Variants in KCNN4 observed in about 807,000 individuals in gnomAD.
KCNN4 encodes intermediate conductance calcium-activated potassium channel protein 4.
KCNN4 carries 31 observed loss-of-function variants against 45.2 expected under a neutral mutation model. The observed-to-expected ratio is 0.69, with a 90% confidence interval of 0.52 to 0.92. The LOEUF (loss-of-function observed/expected upper bound fraction) is 0.92, where lower values mean the gene tolerates loss of function less well. KCNN4 is among the 40% of genes least tolerant of loss of function. The pLI, the probability that KCNN4 is intolerant of heterozygous loss-of-function variation, is 0.00. For missense variants in KCNN4, 463 were observed against 574.0 expected (o/e 0.81, Z 1.98); for synonymous variants, 231 against 254.6 (o/e 0.91, Z 0.88).
At chr19:43,767,736 C>T (rs1969523906) in intron 7 of KCNN4, 29 bp from the exon 8 acceptor site, 6 of 1,613,090 alleles carry the variant, frequency 3.7e-6, no homozygotes, top group South Asian at 2.2e-5. Context: ...TCAGAGGTGT[C>T]GGGGCTGGGG....
rs1969901677 is a variant in KCNN4, at chr19:43,779,227, A to G, written c.159+1476T>C. 3.3e-5 allele frequency among the ~76,000 whole-genome samples: 5 copies of G among 152,262 alleles called. 1 individual carries two copies. The South Asian group carries it at 1.0e-3, about 32-fold the overall frequency. On this transcript the variant is annotated intron_variant, in intron 1 of 8. Transcript: ENST00000648319. ...AAGCAGAGGGGTGAAGTGGGGTAGG[A>G]TGGACCCCGTCTCTTCCCATCTGCC... is the stretch of plus-strand genomic sequence containing the variant.
chr19:43,771,559 G>A (rs1383143572), intron 4 of KCNN4, among the ~76,000 whole-genome samples: 1 of 152,162 alleles, frequency 6.6e-6, no homozygotes, highest in Non-Finnish European at 1.5e-5. Context: ...GCTGGGAGAC[G>A]ATTTCCCAGT....
intron 3 of KCNN4, among the ~76,000 whole-genome samples, chr19:43,773,957 T>C (rs559308232): frequency 2.2e-4 from 33 of 152,092 alleles, no homozygotes; most frequent in African/African-American, 7.2e-4. Context: ...GTGTGTGCGT[T>C]TGGGGAGACT....
At position 43,769,866 on chromosome 19, in the gene KCNN4, C is replaced by CAGCAGA; in HGVS notation, c.820-38_820-37insTCTGCT. On this transcript the variant is annotated intron_variant, in intron 4 of 8. Coordinates refer to ENST00000648319, the MANE Select transcript of KCNN4 (RefSeq NM_002250.3). This position sits in a 1 kb window ranked among gnomAD's most constrained non-coding sequence, Gnocchi z 4.4. Reference sequence around the variant, plus strand: ...GCAGGCACCGTGGCATGAGGCTGTGCCACCGACTCCCTCCTTGAACCCGCC... The same window carrying CAGCAGA: ...GCAGGCACCGTGGCATGAGGCTGTGCAGCAGACACCGACTCCCTCCTTGAACCCGCC... 6.8e-7 allele frequency: 1 copy of CAGCAGA among 1,460,896 alleles called. No homozygotes were observed. Among genetic ancestry groups the CAGCAGA allele is most frequent in the Non-Finnish European group, 9.5e-7 (1 of 1,056,014 alleles). The allele number at this position is 1,460,896 out of a possible 1,614,324, so 90.5% of individuals were successfully genotyped here. A position where few individuals can be genotyped will look rare whatever the true frequency, so the allele number is the denominator to read the frequency against.
Position 43,767,659 on chromosome 19 carries a change from G to A in KCNN4, c.1168C>T (p.Arg390Trp), listed in dbSNP as rs200755307. The change falls in exon 8 of 9, where the codon CGG becomes TGG. Residue 390 changes from arginine to tryptophan, a missense_variant. Physicochemically the swap from Arg to Trp is moderately radical, Grantham distance 101. Coordinates refer to ENST00000648319, the MANE Select transcript of KCNN4 (RefSeq NM_002250.3). Reference sequence around the variant, plus strand: ...GTGTCAATCTGTTTCTCCAGGGCCCGGTGTGAGCTGCTCAGATTCTGCTGC... The same window carrying A: ...GTGTCAATCTGTTTCTCCAGGGCCCAGTGTGAGCTGCTCAGATTCTGCTGC... ...DLQQNLSSSHRALEKQIDTLA... is the reference protein window; with the variant it reads ...DLQQNLSSSHWALEKQIDTLA... 6 of 1,614,032 alleles carry A rather than the reference G, an allele frequency of 3.7e-6. No individual in the cohort carries two copies. The African/African-American group carries it at 5.3e-5, about 14-fold the overall frequency.
chr19:43,774,416 G>A lies in KCNN4; in HGVS notation c.459C>T (p.Ser153=), dbSNP rs1194584909. 7 of 1,597,138 alleles carry A rather than the reference G, an allele frequency of 4.4e-6. No individual in the cohort carries two copies. The highest frequency in any genetic ancestry group is 3.3e-4 in the Middle Eastern group (2 of 6,028). Residue 153 remains serine (S), a synonymous_variant, in exon 3 of 9, where the codon TCC becomes TCT. Transcript: ENST00000648319. The surrounding 1 kb of genome is among the most constrained non-coding windows in gnomAD (Gnocchi z 5.6). ...GGTAGAGACGCAGCAGCATGGCCAGGGACAGCAGCGCTTCCCCTTGGCCCA... is the reference window on the plus strand; with the variant it reads ...GGTAGAGACGCAGCAGCATGGCCAGAGACAGCAGCGCTTCCCCTTGGCCCA... ...GFLGQGEALL[S]LAMLLRLYLV... is the part of the protein sequence containing the mutation.
rs545846565 is a variant in KCNN4 at position 43,769,332 on chromosome 19, C to T, written c.1049+110G>A. On this transcript the variant is annotated intron_variant, in intron 6 of 8. Transcript: ENST00000648319. This position sits in a 1 kb window ranked among gnomAD's most constrained non-coding sequence, Gnocchi z 4.4. Reference sequence around the variant, plus strand: ...GACCTGGATGTTGAGTGAGACCACACCTGGGTGTCCTGACCTGGACAGGCA... The same window carrying T: ...GACCTGGATGTTGAGTGAGACCACATCTGGGTGTCCTGACCTGGACAGGCA... The T allele has an allele frequency of 3.6e-5, 31 of 854,284 alleles. No homozygotes were observed. In the African/African-American group the frequency reaches 4.6e-4, roughly 13 times the overall value. 52.9% of individuals were successfully genotyped at this position (854,284 alleles called of 1,614,324 possible).
At chr19:43,778,557 C>A (rs777198851) in intron 1 of KCNN4, among the ~76,000 whole-genome samples, 1 of 152,168 alleles carries the variant, frequency 6.6e-6, no homozygotes, top group African/African-American at 2.4e-5. Flanking sequence ...TCTTTTCTAA[C>A]GCTGTGTGTG....
In KCNN4 at chr19:43,771,931, A is replaced by G. The variant is rs983089203; in HGVS notation, c.819+69T>C. ...GAGCCTGTGTTGAACCCATTTAATC[A>G]TGGCTTCCTGGGGCCAGAGGATGAC... On this transcript the variant is annotated intron_variant, in intron 4 of 8. Transcript: ENST00000648319. The G allele has an allele frequency of 9.9e-6, 15 of 1,508,084 alleles. No individual in the cohort carries two copies. The Admixed American group carries it at 3.4e-4, about 35-fold the overall frequency. The allele number at this position is 1,508,084 out of a possible 1,614,324, so 93.4% of individuals were successfully genotyped here.
At position 43,768,251 on chromosome 19, in the gene KCNN4, T is replaced by C. The variant is rs574853197; in HGVS notation, c.1120-544A>G. Among the ~76,000 whole-genome samples the C allele has an allele frequency of 5.3e-5, 8 of 152,304 alleles. 1 individual carries two copies. In the South Asian group the frequency reaches 1.7e-3, roughly 32 times the overall value. The stretch of plus-strand genomic sequence containing the variant: ...CTCGTCACTGAGACCTGCCATGCGG[T>C]TTTGGGGCCTGCATCTGTGACCGTG... On this transcript the variant is annotated intron_variant, in intron 7 of 8. Coordinates refer to ENST00000648319, the MANE Select transcript of KCNN4 (RefSeq NM_002250.3).
In KCNN4 at chr19:43,774,654, AGCAGGTCAGGC is replaced by A. The variant is rs529556816; in HGVS notation, c.256-46_256-36del. ...GGGGGCCAAGAAGGGAGGGGTCAGG[AGCAGGTCAGGC>A]GCAGGTCAGGCGGCGGCCCGCGCCT... On this transcript the variant is annotated intron_variant, in intron 2 of 8. Coordinates refer to ENST00000648319, the MANE Select transcript of KCNN4 (RefSeq NM_002250.3). The surrounding 1 kb of genome is among the most constrained non-coding windows in gnomAD (Gnocchi z 5.6). The A allele has an allele frequency of 3.4e-6, 5 of 1,470,772 alleles. No individual in the cohort carries two copies. Among genetic ancestry groups the A allele is most frequent in the South Asian group, 2.8e-5 (2 of 72,018 alleles). The allele number at this position is 1,470,772 out of a possible 1,614,324, so 91.1% of individuals were successfully genotyped here.
rs376631446 is a variant in KCNN4, at chr19:43,769,017, C to T, written c.1065G>A (p.Arg355=). The T allele has an allele frequency of 7.4e-6, 12 of 1,613,966 alleles. No homozygotes were observed. The African/African-American group carries it at 1.5e-4, about 20-fold the overall frequency. The change falls in exon 7 of 9, where the codon CGG becomes CGA. Residue 355 remains arginine (R), a synonymous_variant. Transcript: ENST00000648319. This position sits in a 1 kb window ranked among gnomAD's most constrained non-coding sequence, Gnocchi z 4.4. ...GTTCCCGGAGCTTCCGGTGTTTCAG[C>T]CGCACCTGGCGGAACCTGTGGGAAG... ...LAAINAFRQV[R]LKHRKLREQV...
rs1969748879 is a variant in KCNN4, at chr19:43,774,694, T to C, written c.256-75A>G. 7.6e-7 allele frequency: 1 copy of C among 1,321,756 alleles called. No individual in the cohort carries two copies. Among genetic ancestry groups the C allele is most frequent in the Non-Finnish European group, 9.9e-7 (1 of 1,010,006 alleles). The allele number at this position is 1,321,756 out of a possible 1,614,324, so 81.9% of individuals were successfully genotyped here. Reference sequence around the variant, plus strand: ...GGTCAGGCGGCGGCCCGCGCCTGCCTGCGCCCTGAGATAAGTGGGGTGTGC... The same window carrying C: ...GGTCAGGCGGCGGCCCGCGCCTGCCCGCGCCCTGAGATAAGTGGGGTGTGC... On this transcript the variant is annotated intron_variant, in intron 2 of 8. Coordinates refer to ENST00000648319, the MANE Select transcript of KCNN4 (RefSeq NM_002250.3). This position sits in a 1 kb window ranked among gnomAD's most constrained non-coding sequence, Gnocchi z 5.6.
At chr19:43,778,365 G>A (rs947521354) in intron 1 of KCNN4, among the ~76,000 whole-genome samples, 1 of 152,030 alleles carries the variant, frequency 6.6e-6, no homozygotes, top group Non-Finnish European at 1.5e-5. Flanking sequence ...TCAGCCTCCT[G>A]AGTAGCTGGG....
Position 43,767,676 on chromosome 19 carries a change from T to C in KCNN4, c.1151A>G (p.Asn384Ser). The C allele has an allele frequency of 6.2e-7, 1 of 1,614,176 alleles. No homozygotes were observed. Among genetic ancestry groups the C allele is most frequent in the Non-Finnish European group, 8.5e-7 (1 of 1,180,034 alleles). Residue 384 changes from asparagine (N) to serine (S), a missense_variant, in exon 8 of 9, where the codon AAT becomes AGT. Physicochemically the swap from Asn to Ser is conservative, Grantham distance 46. Around this residue, in one of 3 missense-constraint regions of KCNN4, gnomAD observed 129 missense variants for 149.4 expected, o/e 0.86. Coordinates refer to ENST00000648319, the MANE Select transcript of KCNN4 (RefSeq NM_002250.3). ...CAGGGCCCGGTGTGAGCTGCTCAGATTCTGCTGCAGGTCATACAGGATCAT... is the reference window on the plus strand; with the variant it reads ...CAGGGCCCGGTGTGAGCTGCTCAGACTCTGCTGCAGGTCATACAGGATCAT... ...MHMILYDLQQ[N>S]LSSSHRALEK...
chr19:43,768,576 TGTTC>T (rs566596275), intron 7 of KCNN4, among the ~76,000 whole-genome samples: 1 of 152,304 alleles, frequency 6.6e-6, no homozygotes, highest in East Asian at 1.9e-4. Context: ...TTGTCAGTGT[TGTTC>T]ATTTTAATTG....
At chr19:43,771,883 A>G in intron 4 of KCNN4, 117 bp downstream of exon 4, 1 of 1,307,304 alleles carries the variant, frequency 7.6e-7, no homozygotes, top group East Asian at 2.6e-5. Context: ...CAGACACTCA[A>G]GTTTCTCAGG....
chr19:43,772,625 C>T lies in KCNN4; in HGVS notation c.684-490G>A, dbSNP rs1441454168. Reference sequence around the variant, plus strand: ...GACTCTAAAAAGGCTTGGTGGGACTCGGCCTTCCTTTCCTCTCACTTCACA... The same window carrying T: ...GACTCTAAAAAGGCTTGGTGGGACTTGGCCTTCCTTTCCTCTCACTTCACA... On this transcript the variant is annotated intron_variant, in intron 3 of 8. Coordinates refer to ENST00000648319, the MANE Select transcript of KCNN4 (RefSeq NM_002250.3). This position sits in a 1 kb window ranked among gnomAD's most constrained non-coding sequence, Gnocchi z 4.4. Among the ~76,000 whole-genome samples, 2 of 152,146 alleles carry T rather than the reference C, an allele frequency of 1.3e-5. No individual in the cohort carries two copies. The highest frequency in any genetic ancestry group is 2.1e-4 in the South Asian group (1 of 4,832).
At chr19:43,776,415 A>T (rs1342898600) in intron 2 of KCNN4, 126 bp downstream of exon 2, 1 of 689,904 alleles carries the variant, frequency 1.4e-6, no homozygotes, top group African/African-American at 1.8e-5. Flanking sequence ...GAGGGTGTGG[A>T]CGCAGCACCT....
Sources: allele counts gnomAD v4.1 joint callset (sites outside exome capture counted in the v4.1 genomes callset), GRCh38; gene constraint gnomAD v4.1.1; regional missense constraint gnomAD v4.1.1; non-coding constraint Gnocchi (gnomAD v3.1); transcripts MANE v1.5; gene names NCBI Gene and HGNC (gene_info 2026-07-23, HGNC 2026-07-21).